The following DACH2 variants were observed in gnomAD, a reference collection of about 807,000 sequenced individuals.
DACH2 encodes the protein dachshund family transcription factor 2.
A neutral mutation model predicts 35.8 loss-of-function variants in DACH2; 17 were observed. The observed-to-expected ratio is 0.48, with a 90% CI of 0.33 to 0.71. DACH2 has a LOEUF of 0.71. Among genes scored for constraint, DACH2 ranks in the 30% least tolerant of loss-of-function variants. The probability of loss-of-function intolerance (pLI) is 0.02; values close to 1 mark genes in which losing one functional copy is unlikely to be tolerated. For synonymous variants in DACH2, 195 were observed against 177.3 expected, an observed-to-expected ratio of 1.10 and a Z score of -0.79; for missense variants, 469 against 472.7, an observed-to-expected ratio of 0.99 and a Z score of 0.07.
chrX:86,274,492 G>GTTTT (rs1162526523), intron 1 of DACH2, among the ~76,000 whole-genome samples: 10 of 12,246 alleles, frequency 8.2e-4, no homozygotes, highest in African/African-American at 2.1e-3. Context: ...GAGTCTTTCT[G>GTTTT]TTTTTTTTTT....
intron 2 of DACH2, among the ~76,000 whole-genome samples, chrX:86,444,806 T>C (rs1012809862): frequency 9.0e-6 from 1 of 111,573 alleles, no homozygotes; most frequent in South Asian, 3.7e-4. Flanking sequence ...CTTTTTCTAA[T>C]GAATGTATTT....
intron 1 of DACH2, among the ~76,000 whole-genome samples, chrX:86,343,875 T>C (rs755008216): frequency 1.8e-5 from 2 of 110,844 alleles, no homozygotes; most frequent in Admixed American, 9.7e-5. Context: ...AAATTTATCA[T>C]TGGAGAGTGT....
chrX:86,462,178 G>T (rs954281551), intron 2 of DACH2, among the ~76,000 whole-genome samples: 8 of 111,393 alleles, frequency 7.2e-5, no homozygotes, highest in African/African-American at 2.6e-4. Context: ...TAAAAGAGAA[G>T]GATGAAATAA....
At chrX:86,667,671 T>C (rs1266704435) in intron 4 of DACH2, among the ~76,000 whole-genome samples, 1 of 111,012 alleles carries the variant, frequency 9.0e-6, no homozygotes, top group Non-Finnish European at 1.9e-5. Context: ...AGTAAAAGGA[T>C]TGATGTAATA....
chrX:86,546,487 C>T (rs1170805526), intron 3 of DACH2, among the ~76,000 whole-genome samples: 1 of 70,309 alleles, frequency 1.4e-5, no homozygotes, highest in Non-Finnish European at 2.5e-5. Context: ...TCTTCTTCCT[C>T]TTCTTCTTCT....
At chrX:86,466,416 T>C (rs2037669264) in intron 2 of DACH2, among the ~76,000 whole-genome samples, 1 of 110,278 alleles carries the variant, frequency 9.1e-6, no homozygotes, top group African/African-American at 3.3e-5. Context: ...CAATACAAGA[T>C]GAGATTTGGG....
chrX:86,734,576 A>G lies in DACH2; in HGVS notation c.1105-5171A>G, dbSNP rs147704206. Reference sequence around the variant, plus strand: ...CTCAAGAGCCCTTTTTCCATTTTTTAAGTTTATGAAAACTTTGCTATATTC... The same window carrying G: ...CTCAAGAGCCCTTTTTCCATTTTTTGAGTTTATGAAAACTTTGCTATATTC... On this transcript the variant is annotated intron_variant, in intron 6 of 11. Transcript: ENST00000373125. Among the ~76,000 whole-genome samples, 358 of 111,329 alleles carry G rather than the reference A, an allele frequency of 3.2e-3. 1 individual carries two copies. Among genetic ancestry groups the G allele is most frequent in the Non-Finnish European group, 4.4e-3 (235 of 52,925 alleles).
At position 86,420,797 on chromosome X, in the gene DACH2, A is replaced by G. The variant is rs569417881; in HGVS notation, c.527+43935A>G. Among the ~76,000 whole-genome samples the G allele has an allele frequency of 1.4e-3, 159 of 111,639 alleles. 1 individual carries two copies. The highest frequency in any genetic ancestry group is 4.8e-3 in the African/African-American group (149 of 30,840). On this transcript the variant is annotated intron_variant, in intron 2 of 11. Coordinates refer to ENST00000373125, the MANE Select transcript of DACH2 (RefSeq NM_053281.3). Reference sequence around the variant, plus strand: ...TTGCTTCACTGAGACATGAATTAATAAAGGTTTTGAGCCTATGAATTTTGT... The same window carrying G: ...TTGCTTCACTGAGACATGAATTAATGAAGGTTTTGAGCCTATGAATTTTGT...
chrX:86,426,294 T>C (rs2036892940), intron 2 of DACH2, among the ~76,000 whole-genome samples: 1 of 111,382 alleles, frequency 9.0e-6, no homozygotes, highest in Non-Finnish European at 1.9e-5. Flanking sequence ...CCCCACTCCA[T>C]GTGTGTCCTC....
chrX:86,310,381 C>T (rs1258742021), intron 1 of DACH2, among the ~76,000 whole-genome samples: 1 of 111,714 alleles, frequency 9.0e-6, no homozygotes, highest in Non-Finnish European at 1.9e-5. Flanking sequence ...CCTTCTCTCC[C>T]CCAGCCTGCA....
chrX:86,670,676 T>C (rs897338467), intron 4 of DACH2, among the ~76,000 whole-genome samples: 1 of 111,545 alleles, frequency 9.0e-6, no homozygotes, highest in Non-Finnish European at 1.9e-5. Context: ...TAATGGTTCA[T>C]CCACTAATTA....
chrX:86,242,387 G>A (rs2033184675), intron 1 of DACH2, among the ~76,000 whole-genome samples: 1 of 112,095 alleles, frequency 8.9e-6, no homozygotes, highest in South Asian at 3.7e-4. Context: ...CTTGCATGAA[G>A]CCTATAGCCC....
chrX:86,244,665 A>T (rs868046496), intron 1 of DACH2, among the ~76,000 whole-genome samples: 2 of 111,956 alleles, frequency 1.8e-5, no homozygotes, highest in Admixed American at 9.5e-5. Flanking sequence ...TCTGTGTGAC[A>T]TGCAACTCAC....
chrX:86,328,524 C>T (rs1202789831), intron 1 of DACH2, among the ~76,000 whole-genome samples: 1 of 111,780 alleles, frequency 8.9e-6, no homozygotes, highest in Admixed American at 9.6e-5. Context: ...ACTTGTCTCT[C>T]ATTTCCCGAG....
intron 7 of DACH2, among the ~76,000 whole-genome samples, chrX:86,782,152 C>T (rs147798317): frequency 3.6e-4 from 40 of 111,335 alleles, no homozygotes; most frequent in African/African-American, 1.2e-3. Flanking sequence ...ATTTGTATAA[C>T]GAAAAGTATC....
chrX:86,347,408 C>T (rs746507153), intron 1 of DACH2, among the ~76,000 whole-genome samples: 478 of 42,509 alleles, frequency 0.011, 2 homozygotes, highest in Non-Finnish European at 0.011. Flanking sequence ...TACGCAAAAG[C>T]GCACACACAC....
intron 1 of DACH2, among the ~76,000 whole-genome samples, chrX:86,254,680 A>G (rs2033467084): frequency 9.9e-6 from 1 of 100,700 alleles, no homozygotes; most frequent in Non-Finnish European, 2.0e-5. Context: ...TGTGTTTCGT[A>G]AGAATTGAAG....
At chrX:86,442,955 C>G (rs2037194924) in intron 2 of DACH2, among the ~76,000 whole-genome samples, 1 of 111,707 alleles carries the variant, frequency 9.0e-6, no homozygotes, top group Admixed American at 9.5e-5. Context: ...CATGCCAGTA[C>G]CATGCTGTTT....
intron 2 of DACH2, among the ~76,000 whole-genome samples, chrX:86,429,264 CCT>C (rs754685163): frequency 6.6e-4 from 73 of 110,868 alleles, no homozygotes; most frequent in Non-Finnish European, 9.4e-5. Flanking sequence ...GTGAAGAATC[CCT>C]TTCTGTGAAT....
Sources: allele counts gnomAD v4.1 joint callset (sites outside exome capture counted in the v4.1 genomes callset), GRCh38; gene constraint gnomAD v4.1.1; transcripts MANE v1.5; gene names NCBI Gene and HGNC (gene_info 2026-07-23, HGNC 2026-07-21).